The following CLSTN2 variants were observed in gnomAD, a reference collection of about 807,000 sequenced individuals.
CLSTN2 encodes calsyntenin 2, also known as calsyntenin-2.
CLSTN2 carries 48 observed loss-of-function variants against 101.2 expected under a neutral mutation model. That is an observed-to-expected ratio of 0.47 (90% CI 0.38 to 0.60). The LOEUF (loss-of-function observed/expected upper bound fraction) is 0.60. Among genes scored for constraint, CLSTN2 ranks in the 20% least tolerant of loss-of-function variants. The pLI is 0.00. For synonymous variants in CLSTN2, 481 were observed against 463.6 expected (o/e 1.04, Z -0.48); for missense variants, 1,160 against 1,238.2 (o/e 0.94, Z 0.95).
rs192525124 is a variant in CLSTN2 at position 140,535,664 on chromosome 3, G to C, written c.1507+3178G>C. ...TTTCCTTATGGAAACTTTAAAAGCTGTAATTGCAAGGAGGCCCTTTATACA... is the reference window on the plus strand; with the variant it reads ...TTTCCTTATGGAAACTTTAAAAGCTCTAATTGCAAGGAGGCCCTTTATACA... On this transcript the variant is annotated intron_variant, in intron 9 of 16. Transcript: ENST00000458420. 2.5e-4 allele frequency among the ~76,000 whole-genome samples: 38 copies of C among 152,324 alleles called. No homozygotes were observed. The East Asian group carries it at 7.1e-3, about 29-fold the overall frequency.
At chr3:140,408,005 C>T (rs539921828) in intron 4 of CLSTN2, among the ~76,000 whole-genome samples, 28 of 152,206 alleles carry the variant, frequency 1.8e-4, no homozygotes, top group Non-Finnish European at 3.7e-4. Context: ...CTTCATTCCC[C>T]GACAAAGTAC....
intron 2 of CLSTN2, among the ~76,000 whole-genome samples, chr3:140,304,634 G>T (rs954777027): frequency 7.2e-5 from 11 of 152,170 alleles, no homozygotes; most frequent in Admixed American, 2.0e-4. Context: ...ATGAATGTGG[G>T]GGACACAAGC....
At chr3:140,135,827 C>T (rs1392056311) in intron 1 of CLSTN2, among the ~76,000 whole-genome samples, 1 of 152,182 alleles carries the variant, frequency 6.6e-6, no homozygotes, top group African/African-American at 2.4e-5. Flanking sequence ...TTTTAGGAAT[C>T]TGGCTTAAAC....
chr3:140,056,971 A>G (rs773200819), intron 1 of CLSTN2, among the ~76,000 whole-genome samples: 2 of 152,152 alleles, frequency 1.3e-5, no homozygotes, highest in Non-Finnish European at 2.9e-5. Flanking sequence ...CTCCCTTGCT[A>G]GAGTTTTCTG....
chr3:140,503,456 G>A (rs1225758690), intron 8 of CLSTN2, among the ~76,000 whole-genome samples: 1 of 152,190 alleles, frequency 6.6e-6, no homozygotes, highest in Non-Finnish European at 1.5e-5. Context: ...GCAATAGGCT[G>A]TACCATAGAG....
rs566224477 is a variant in CLSTN2 at position 140,461,858 on chromosome 3, A to T, written c.1222+2089A>T. ...GCCCTTATGTGAAACAACACTCAAGATTGGCACAGAGAAAGTGGGAAGATA... is the reference window on the plus strand; with the variant it reads ...GCCCTTATGTGAAACAACACTCAAGTTTGGCACAGAGAAAGTGGGAAGATA... On this transcript the variant is annotated intron_variant, in intron 7 of 16. Transcript: ENST00000458420. Among the ~76,000 whole-genome samples, 34 of 152,214 alleles carry T rather than the reference A, an allele frequency of 2.2e-4. No homozygotes were observed. The South Asian group carries it at 7.1e-3, about 32-fold the overall frequency.
chr3:140,519,443 T>C (rs537509003), intron 8 of CLSTN2, among the ~76,000 whole-genome samples: 3 of 152,358 alleles, frequency 2.0e-5, no homozygotes, highest in Admixed American at 6.5e-5. Context: ...TGTTAAAATC[T>C]CTCGCTATTA....
Position 140,336,971 on chromosome 3 carries a change from G to A in CLSTN2, c.233-66658G>A, listed in dbSNP as rs139724565. ...ATAATTCAAGAAGATGAACAGGTGA[G>A]GGGAGAACTGAGCAGCTGTTTCCTC... On this transcript the variant is annotated intron_variant, in intron 2 of 16. Coordinates refer to ENST00000458420, the MANE Select transcript of CLSTN2 (RefSeq NM_022131.3). Among the ~76,000 whole-genome samples the A allele has an allele frequency of 6.7e-4, 102 of 152,264 alleles. 1 individual carries two copies. The highest frequency in any genetic ancestry group is 2.4e-3 in the African/African-American group (99 of 41,554).
chr3:140,236,076 C>T (rs1179549578), intron 2 of CLSTN2, among the ~76,000 whole-genome samples: 1 of 152,118 alleles, frequency 6.6e-6, no homozygotes, highest in Non-Finnish European at 1.5e-5. Flanking sequence ...CCTGTAAAAT[C>T]ACAGATTTGG....
intron 2 of CLSTN2, among the ~76,000 whole-genome samples, chr3:140,330,985 T>A (rs995382271): frequency 1.3e-5 from 2 of 152,160 alleles, no homozygotes; most frequent in Non-Finnish European, 2.9e-5. Flanking sequence ...GAGAATTGAC[T>A]CACACGAGTA....
At chr3:139,993,010 A>G (rs1936141528) in intron 1 of CLSTN2, among the ~76,000 whole-genome samples, 1 of 152,118 alleles carries the variant, frequency 6.6e-6, no homozygotes, top group South Asian at 2.1e-4. Context: ...TCTTTCTTCT[A>G]AAGTTCATTT....
chr3:140,134,132 C>G (rs1305662503), intron 1 of CLSTN2, among the ~76,000 whole-genome samples: 1 of 152,162 alleles, frequency 6.6e-6, no homozygotes, highest in Non-Finnish European at 1.5e-5. Context: ...CTAATTCTCA[C>G]CTGGCTTGGA....
chr3:140,365,199 A>T (rs563069717), intron 2 of CLSTN2, among the ~76,000 whole-genome samples: 9 of 152,278 alleles, frequency 5.9e-5, no homozygotes, highest in Non-Finnish European at 1.2e-4. Flanking sequence ...CTAATATTTC[A>T]TGGAAGGAAC....
chr3:140,483,376 T>C (rs1934168165), intron 8 of CLSTN2, among the ~76,000 whole-genome samples: 1 of 152,206 alleles, frequency 6.6e-6, no homozygotes, highest in Non-Finnish European at 1.5e-5. Flanking sequence ...TATGGTCAAT[T>C]TTGGAATAGG....
intron 2 of CLSTN2, among the ~76,000 whole-genome samples, chr3:140,246,359 A>G (rs1489679332): frequency 1.3e-5 from 2 of 152,116 alleles, no homozygotes; most frequent in Admixed American, 6.6e-5. Flanking sequence ...GCCAGTTGCT[A>G]CTGGGGGATC....
At chr3:140,215,584 A>T (rs2010909672) in intron 2 of CLSTN2, among the ~76,000 whole-genome samples, 1 of 152,190 alleles carries the variant, frequency 6.6e-6, no homozygotes, top group African/African-American at 2.4e-5. Context: ...CTCCTTGCTT[A>T]TTTAAGAATT....
At chr3:140,376,487 C>G (rs2087918268) in intron 2 of CLSTN2, among the ~76,000 whole-genome samples, 1 of 152,224 alleles carries the variant, frequency 6.6e-6, no homozygotes, top group African/African-American at 2.4e-5. Flanking sequence ...CATTTTTCCT[C>G]TATTTCTTCT....
At chr3:140,005,762 GA>G in intron 1 of CLSTN2, among the ~76,000 whole-genome samples, 1 of 152,296 alleles carries the variant, frequency 6.6e-6, no homozygotes, top group African/African-American at 2.4e-5. Context: ...TTTGAAGTGG[GA>G]AAAGCAGCAG....
intron 2 of CLSTN2, among the ~76,000 whole-genome samples, chr3:140,231,310 T>C (rs1434713308): frequency 1.3e-5 from 2 of 152,086 alleles, no homozygotes; most frequent in South Asian, 4.1e-4. Flanking sequence ...CTGCGGGAGT[T>C]CCATGACTCC....
Sources: gnomAD v4.1 joint callset for allele counts (sites outside exome capture counted in the v4.1 genomes callset) on GRCh38, gnomAD v4.1.1 for gene constraint, MANE v1.5 for transcripts, NCBI Gene and HGNC (gene_info 2026-07-23, HGNC 2026-07-21) for gene names.